The following SI variants were observed in gnomAD, a reference collection of about 807,000 sequenced individuals.
The protein encoded by SI is sucrase-isomaltase.
SI carries 235 observed loss-of-function variants against 253.3 expected under a neutral mutation model. That is an observed-to-expected ratio of 0.93 (90% CI 0.83 to 1.03). SI has a LOEUF of 1.03. SI is among the 50% of genes least tolerant of loss of function. The pLI, the probability that SI is intolerant of heterozygous loss-of-function variation, is 0.00. For missense variants in SI, 2,442 were observed against 2,211.1 expected (o/e 1.10, Z -2.09); for synonymous variants, 819 against 712.0 (o/e 1.15, Z -2.39).
At chr3:165,033,296 G>C in intron 23 of SI, 99 bp downstream of exon 23, 1 of 1,019,952 alleles carries the variant, frequency 9.8e-7, no homozygotes, top group Non-Finnish European at 1.3e-6. Flanking sequence ...AAAATCTGTA[G>C]GCAAATGTAA....
In SI at chr3:165,053,329, T is replaced by C. The variant is rs188971040; in HGVS notation, c.1512+1865A>G. Among the ~76,000 whole-genome samples the C allele has an allele frequency of 2.0e-5, 3 of 152,244 alleles. 1 individual carries two copies. Among genetic ancestry groups the C allele is most frequent in the Admixed American group, 2.0e-4 (3 of 15,276 alleles). The stretch of plus-strand genomic sequence containing the variant: ...AAACTAAATTACAAATCTAGTAAAT[T>C]ATAAAACTATTTTTATACTTGACAT... On this transcript the variant is annotated intron_variant, in intron 13 of 47. Transcript: ENST00000264382.
chr3:165,047,344 C>G lies in SI; in HGVS notation c.1716-332G>C, dbSNP rs141467099. ...TCCACCTAAGATGTTACTTGCTTCT[C>G]CTTGTCTTCTGCCATGATTGTGAGG... On this transcript the variant is annotated intron_variant, in intron 15 of 47. Transcript: ENST00000264382. Among the ~76,000 whole-genome samples, 584 of 152,102 alleles carry G rather than the reference C, an allele frequency of 3.8e-3. 2 individuals carry two copies. The highest frequency in any genetic ancestry group is 0.013 in the African/African-American group (553 of 41,500).
chr3:165,062,642 G>GA (rs1235552498), intron 8 of SI, among the ~76,000 whole-genome samples, 159 bp from the exon 9 acceptor site: 1 of 151,762 alleles, frequency 6.6e-6, no homozygotes, highest in Non-Finnish European at 1.5e-5. Flanking sequence ...AATAACATAG[G>GA]AAAAAAGTAA....
At chr3:165,005,552 C>T (rs1163043314) in intron 37 of SI, among the ~76,000 whole-genome samples, 1 of 151,854 alleles carries the variant, frequency 6.6e-6, no homozygotes, top group African/African-American at 2.4e-5. Flanking sequence ...TAGTCAAAAG[C>T]CAGGGATCTA....
chr3:165,015,276 G>A (rs1431794957), intron 32 of SI, 43 bp from the exon 33 acceptor site: 1 of 1,350,998 alleles, frequency 7.4e-7, no homozygotes. Context: ...CATGAAAAAA[G>A]CGTAACTACT....
chr3:165,064,477 G>A (rs539244322), intron 7 of SI, among the ~76,000 whole-genome samples: 3 of 152,150 alleles, frequency 2.0e-5, no homozygotes, highest in South Asian at 4.1e-4. Context: ...GTTTATCTTT[G>A]ATATAGAAAT....
chr3:165,055,608 C>T (rs1447398718), intron 12 of SI, among the ~76,000 whole-genome samples: 1 of 151,844 alleles, frequency 6.6e-6, no homozygotes, highest in Non-Finnish European at 1.5e-5. Context: ...TAGTTTAATA[C>T]ATACACAATA....
At chr3:165,024,500 T>C (rs1447301675) in intron 25 of SI, among the ~76,000 whole-genome samples, 6 of 151,290 alleles carry the variant, frequency 4.0e-5, no homozygotes, top group East Asian at 1.9e-4. Flanking sequence ...TCATAAAAGC[T>C]CTTTAAAAGA....
intron 34 of SI, 67 bp downstream of exon 34, chr3:165,012,913 G>T: frequency 1.0e-6 from 1 of 980,286 alleles, no homozygotes; most frequent in South Asian, 1.3e-5. Context: ...TTTAGTTATT[G>T]ATTAAAATAA....
chr3:165,023,460 T>C (rs1406667811), intron 26 of SI, 110 bp downstream of exon 26: 1 of 796,266 alleles, frequency 1.3e-6, no homozygotes, highest in Non-Finnish European at 2.1e-6. Flanking sequence ...CAAAATATTA[T>C]CAAATCTGTT....
chr3:165,030,379 T>G (rs1712167475), intron 25 of SI, among the ~76,000 whole-genome samples: 1 of 150,884 alleles, frequency 6.6e-6, no homozygotes, highest in Admixed American at 6.7e-5. Flanking sequence ...TACTGGCATA[T>G]CTTACCCAAA....
At chr3:165,026,150 T>C (rs895825877) in intron 25 of SI, among the ~76,000 whole-genome samples, 6 of 151,144 alleles carry the variant, frequency 4.0e-5, no homozygotes, top group East Asian at 2.0e-4. Context: ...AAACATTCCA[T>C]GCAAATGAAC....
At chr3:165,043,656 G>A (rs1341811462) in intron 16 of SI, among the ~76,000 whole-genome samples, 1 of 151,968 alleles carries the variant, frequency 6.6e-6, no homozygotes, top group Non-Finnish European at 1.5e-5. Flanking sequence ...GTGTACCCAT[G>A]TAAGACTGCA....
chr3:165,006,179 G>A (rs2108153591), intron 37 of SI, among the ~76,000 whole-genome samples: 1 of 152,238 alleles, frequency 6.6e-6, no homozygotes, highest in Admixed American at 6.5e-5. Flanking sequence ...CACAATCTTG[G>A]CTCACTGCAA....
At chr3:165,049,966 T>C (rs1252868546) in intron 13 of SI, 91 bp from the exon 14 acceptor site, 1 of 825,908 alleles carries the variant, frequency 1.2e-6, no homozygotes, top group Non-Finnish European at 2.1e-6. Context: ...ATGTTTTATA[T>C]AAGATAACCA....
At chr3:165,022,532 A>ATC (rs1329177584) in intron 26 of SI, among the ~76,000 whole-genome samples, 17 of 88,512 alleles carry the variant, frequency 1.9e-4, no homozygotes, top group Admixed American at 1.4e-4. Flanking sequence ...CTTTTGTGCC[A>ATC]TCTCACACAC....
At chr3:165,075,851 C>T (rs1373241292) in intron 2 of SI, 44 bp downstream of exon 2, 2 of 1,164,436 alleles carry the variant, frequency 1.7e-6, no homozygotes, top group Non-Finnish European at 2.6e-6. Flanking sequence ...TAACTTCCTC[C>T]TAACTTCACG....
intron 10 of SI, 73 bp downstream of exon 10, chr3:165,059,829 A>G: frequency 6.7e-7 from 1 of 1,494,634 alleles, no homozygotes; most frequent in South Asian, 1.1e-5. Context: ...ACTCCTGACA[A>G]TTTCCTACAG....
At chr3:165,040,704 T>C (rs1282797037) in intron 18 of SI, among the ~76,000 whole-genome samples, 2 of 152,086 alleles carry the variant, frequency 1.3e-5, no homozygotes, top group East Asian at 3.9e-4. Context: ...TATCCTAACA[T>C]ATTTTATATA....
Sources: allele counts gnomAD v4.1 joint callset (sites outside exome capture counted in the v4.1 genomes callset), GRCh38; gene constraint gnomAD v4.1.1; transcripts MANE v1.5; gene names NCBI Gene and HGNC (gene_info 2026-07-23, HGNC 2026-07-21).